The following PHF20L1 variants were observed in gnomAD, a reference collection of about 807,000 sequenced individuals.
PHF20L1 encodes the protein PHD finger protein 20-like protein 1.
In PHF20L1, 44 loss-of-function variants were observed where a neutral mutation model predicts 125.5. The observed-to-expected ratio is 0.35, with a 90% CI of 0.28 to 0.45. PHF20L1 has a LOEUF of 0.45. Ranked by LOEUF, PHF20L1 falls within the 20% of genes least tolerant of loss-of-function variation. The pLI is 1.00. For synonymous variants in PHF20L1, 380 were observed against 403.1 expected (o/e 0.94, Z 0.69); for missense variants, 1,012 against 1,217.2 (o/e 0.83, Z 2.51).
chr8:132,836,545 T>C lies in PHF20L1; in HGVS notation c.1915T>C (p.Ser639Pro), dbSNP rs770883519. 1.3e-5 allele frequency: 21 copies of C among 1,598,514 alleles called. No homozygotes were observed. The highest frequency in any genetic ancestry group is 2.7e-5 in the African/African-American group (2 of 74,552). ...LSVDLSGENL[S>P]DVDFLDDSST... ...ACTTTTTGTATATATTCTAGACTTA[T>C]CAGATGTAGACTTCCTAGATGATTC... The change falls in exon 16 of 21, where the codon TCA (serine) becomes CCA (proline). Residue 639 changes from serine to proline, a missense_variant. By Grantham distance (74) the Ser-to-Pro change is moderately conservative. Coordinates refer to ENST00000395386, the MANE Select transcript of PHF20L1 (RefSeq NM_016018.5).
At chr8:132,843,968 G>A (rs1838196743) in intron 19 of PHF20L1, 188 bp from the exon 20 acceptor site, 2 of 985,076 alleles carry the variant, frequency 2.0e-6, no homozygotes, top group Non-Finnish European at 2.4e-6. Flanking sequence ...GAGGTGGTGG[G>A]TGCATCAGCT....
At chr8:132,790,504 A>C (rs1831561418) in intron 2 of PHF20L1, among the ~76,000 whole-genome samples, 1 of 152,174 alleles carries the variant, frequency 6.6e-6, no homozygotes, top group African/African-American at 2.4e-5. Flanking sequence ...TTGCTATTTC[A>C]AAGCCCTTCA....
At chr8:132,814,010 T>C (rs779384436) in intron 9 of PHF20L1, among the ~76,000 whole-genome samples, 2 of 151,886 alleles carry the variant, frequency 1.3e-5, no homozygotes, top group Non-Finnish European at 2.9e-5. Flanking sequence ...GCTTGTTTTG[T>C]ATTGTTTTTT....
At chr8:132,776,121 TG>T (rs1280333417) in intron 1 of PHF20L1, among the ~76,000 whole-genome samples, 2 of 152,208 alleles carry the variant, frequency 1.3e-5, no homozygotes, top group Non-Finnish European at 2.9e-5. Context: ...GCCTTGTTTT[TG>T]CTTCAAGTTT....
chr8:132,819,700 A>G (rs553562554), intron 12 of PHF20L1, among the ~76,000 whole-genome samples: 1 of 151,986 alleles, frequency 6.6e-6, no homozygotes, highest in South Asian at 2.1e-4. Context: ...ATACATATGT[A>G]CATATATGCA....
intron 12 of PHF20L1, among the ~76,000 whole-genome samples, chr8:132,819,174 T>C (rs1359216815): frequency 6.6e-6 from 1 of 151,936 alleles, no homozygotes; most frequent in Non-Finnish European, 1.5e-5. Context: ...TTTTAAATAT[T>C]AGCAGTAACT....
chr8:132,802,182 C>T (rs559366924), intron 6 of PHF20L1, among the ~76,000 whole-genome samples: 57 of 148,280 alleles, frequency 3.8e-4, no homozygotes, highest in African/African-American at 1.1e-3. Context: ...TCTTTTCTTA[C>T]TGCTTAAATG....
chr8:132,804,513 A>C, intron 7 of PHF20L1, 102 bp from the exon 8 acceptor site: 1 of 842,632 alleles, frequency 1.2e-6, no homozygotes, highest in Non-Finnish European at 1.9e-6. Context: ...TAGATTAAAA[A>C]AACTAATGTG....
chr8:132,830,970 G>C (rs1028015014), intron 14 of PHF20L1, among the ~76,000 whole-genome samples: 9 of 152,006 alleles, frequency 5.9e-5, no homozygotes, highest in African/African-American at 2.2e-4. Context: ...TCGGCCTCCA[G>C]TCTATAACAG....
chr8:132,819,574 T>C (rs537832716), intron 12 of PHF20L1, among the ~76,000 whole-genome samples: 2 of 151,804 alleles, frequency 1.3e-5, no homozygotes, highest in East Asian at 3.9e-4. Flanking sequence ...TCCTTAACCT[T>C]TTTGTTATTC....
chr8:132,844,342 A>G, intron 20 of PHF20L1, 24 bp downstream of exon 20: 1 of 1,559,094 alleles, frequency 6.4e-7, no homozygotes, highest in Non-Finnish European at 8.8e-7. Context: ...GAACTAAAAT[A>G]CAGTTACTAT....
intron 12 of PHF20L1, among the ~76,000 whole-genome samples, chr8:132,819,910 A>G (rs923906140): frequency 5.3e-5 from 8 of 151,904 alleles, no homozygotes; most frequent in African/African-American, 7.2e-5. Flanking sequence ...AAATTGTTCA[A>G]CATGGTTAGG....
chr8:132,806,281 A>G (rs1183873993), intron 8 of PHF20L1: 1 of 152,034 alleles, frequency 6.6e-6, no homozygotes, highest in Non-Finnish European at 1.5e-5. Context: ...ACTACAACAC[A>G]AAAACTCTGC....
chr8:132,834,072 C>T (rs987433613), intron 15 of PHF20L1, among the ~76,000 whole-genome samples: 1 of 152,028 alleles, frequency 6.6e-6, no homozygotes, highest in African/African-American at 2.4e-5. Flanking sequence ...TGTGGCCACT[C>T]AGTTGGAGCC....
chr8:132,783,100 T>C (rs1272890543), intron 2 of PHF20L1, among the ~76,000 whole-genome samples: 1 of 152,214 alleles, frequency 6.6e-6, no homozygotes, highest in Non-Finnish European at 1.5e-5. Context: ...AGAGATTAAA[T>C]AACATGCTGT....
chr8:132,816,547 A>T (rs1294952871), intron 10 of PHF20L1: 1 of 201,064 alleles, frequency 5.0e-6, no homozygotes, highest in East Asian at 1.4e-4. Context: ...TGCTGTAAAG[A>T]GACTATTTTC....
intron 8 of PHF20L1, among the ~76,000 whole-genome samples, chr8:132,805,932 T>C (rs577772084): frequency 1.3e-5 from 2 of 152,154 alleles, no homozygotes; most frequent in Non-Finnish European, 2.9e-5. Context: ...TTGTAAACTA[T>C]TAACCTTGGA....
At chr8:132,792,677 A>G (rs1425742084) in intron 2 of PHF20L1, among the ~76,000 whole-genome samples, 2 of 152,164 alleles carry the variant, frequency 1.3e-5, no homozygotes, top group Non-Finnish European at 2.9e-5. Flanking sequence ...GTGTCCTGTC[A>G]TGGTGCTAGG....
At chr8:132,827,527 G>A (rs1299883200) in intron 14 of PHF20L1, among the ~76,000 whole-genome samples, 1 of 151,994 alleles carries the variant, frequency 6.6e-6, no homozygotes, top group Non-Finnish European at 1.5e-5. Context: ...CAAAATACCT[G>A]TGAAAGTGGG....
Sources: gnomAD v4.1 joint callset for allele counts (sites outside exome capture counted in the v4.1 genomes callset) on GRCh38, gnomAD v4.1.1 for gene constraint, MANE v1.5 for transcripts, NCBI Gene and HGNC (gene_info 2026-07-23, HGNC 2026-07-21) for gene names.